PELI2: variants seen among roughly 807,000 people sequenced by gnomAD.
The protein encoded by PELI2 is E3 ubiquitin-protein ligase pellino homolog 2.
In PELI2, 23 loss-of-function variants were observed where a neutral mutation model predicts 42.3. The ratio of observed to expected loss-of-function variants is 0.54; its 90% CI spans 0.39 to 0.77. The LOEUF is 0.77. PELI2 is among the 30% of genes least tolerant of loss of function. The probability of loss-of-function intolerance (pLI) is 0.00; values close to 1 mark genes in which losing one functional copy is unlikely to be tolerated. For synonymous variants in PELI2, 245 were observed against 212.2 expected (o/e 1.15, Z -1.34); for missense variants, 463 against 553.2 (o/e 0.84, Z 1.64).
At position 56,181,164 on chromosome 14, in the gene PELI2, TC is replaced by T. The variant is rs1467078358; in HGVS notation, c.207+2702del. On this transcript the variant is annotated intron_variant, in intron 2 of 5. Transcript: ENST00000267460. ...AGTTCATTCTATTTTTGGATATACT[TC>T]CTTATCTCTTATCAAGATATCCAAC... 2.0e-5 allele frequency among the ~76,000 whole-genome samples: 3 copies of T among 152,038 alleles called. No homozygotes were observed. In the East Asian group the frequency reaches 5.8e-4, roughly 29 times the overall value.
rs539333322 is a variant in PELI2 at position 56,133,688 on chromosome 14, G to C, written c.77+14951G>C. The stretch of plus-strand genomic sequence containing the variant: ...CTGCTACAACCTGCTCAACTGATAG[G>C]ATTTAGCCCAGGTGTCACTTCCAGC... On this transcript the variant is annotated intron_variant, in intron 1 of 5. Transcript: ENST00000267460. Among the ~76,000 whole-genome samples, 5 of 152,288 alleles carry C rather than the reference G, an allele frequency of 3.3e-5. No individual in the cohort carries two copies. In the East Asian group the frequency reaches 5.8e-4, roughly 18 times the overall value.
Position 56,291,305 on chromosome 14 carries a change from A to G in PELI2, c.696+849A>G, listed in dbSNP as rs546074740. Among the ~76,000 whole-genome samples, 7 of 152,340 alleles carry G rather than the reference A, an allele frequency of 4.6e-5. No individual in the cohort carries two copies. The East Asian group carries it at 1.4e-3, about 29-fold the overall frequency. On this transcript the variant is annotated intron_variant, in intron 5 of 5. Coordinates refer to ENST00000267460, the MANE Select transcript of PELI2 (RefSeq NM_021255.3). ...TACAGAATAGAGGATTTGACCTAGC[A>G]CTTGTCAGAGAGAAAGATCATCACC... is the stretch of plus-strand genomic sequence containing the variant.
At chr14:56,246,779 C>A (rs968172792) in intron 2 of PELI2, among the ~76,000 whole-genome samples, 3 of 152,160 alleles carry the variant, frequency 2.0e-5, no homozygotes, top group Non-Finnish European at 4.4e-5. Context: ...GAAGTAGCAG[C>A]GCTGTGTCTC....
rs1011144427 is a variant in PELI2 at position 56,149,274 on chromosome 14, T to C, written c.78-29061T>C. On this transcript the variant is annotated intron_variant, in intron 1 of 5. Transcript: ENST00000267460. ...ACATAAGCTTTAAACCTCATATCCA[T>C]GGTTATTGAAAAGTGAGGGCTTTGC... 2.0e-5 allele frequency among the ~76,000 whole-genome samples: 3 copies of C among 152,228 alleles called. No individual in the cohort carries two copies. In the East Asian group the frequency reaches 5.8e-4, roughly 29 times the overall value.
chr14:56,166,658 T>A (rs1884975127), intron 1 of PELI2, among the ~76,000 whole-genome samples: 1 of 152,318 alleles, frequency 6.6e-6, no homozygotes, highest in East Asian at 1.9e-4. Flanking sequence ...TAGGGTAAAG[T>A]TTTTTTCCTT....
chr14:56,171,700 G>T (rs1368982084), intron 1 of PELI2, among the ~76,000 whole-genome samples: 1 of 152,166 alleles, frequency 6.6e-6, no homozygotes, highest in Non-Finnish European at 1.5e-5. Context: ...TCAGGAGGAG[G>T]TGACAGTGTT....
intron 2 of PELI2, among the ~76,000 whole-genome samples, chr14:56,206,976 A>G (rs1221755202): frequency 1.3e-5 from 2 of 152,244 alleles, no homozygotes; most frequent in Non-Finnish European, 2.9e-5. Context: ...AAGTTATCAA[A>G]TAAAGGTTCT....
chr14:56,181,036 C>G (rs574828017), intron 2 of PELI2, among the ~76,000 whole-genome samples: 16 of 152,306 alleles, frequency 1.1e-4, no homozygotes, highest in African/African-American at 3.6e-4. Context: ...TCCGTAGCAT[C>G]TATAGCTTGT....
intron 1 of PELI2, among the ~76,000 whole-genome samples, chr14:56,158,263 G>A (rs545136330): frequency 8.6e-5 from 13 of 152,046 alleles, no homozygotes; most frequent in African/African-American, 2.4e-4. Context: ...CCTGACCTCC[G>A]GTGATTTGCC....
rs540862398 is a variant in PELI2, at chr14:56,144,099, G to A, written c.77+25362G>A. 7.9e-5 allele frequency among the ~76,000 whole-genome samples: 12 copies of A among 152,180 alleles called. No homozygotes were observed. In the East Asian group the frequency reaches 2.1e-3, roughly 27 times the overall value. ...TCATACTGTACTACCGCTGATTCCAGTCTAACACCCTAAGAATCATTCTAG... is the reference window on the plus strand; with the variant it reads ...TCATACTGTACTACCGCTGATTCCAATCTAACACCCTAAGAATCATTCTAG... On this transcript the variant is annotated intron_variant, in intron 1 of 5. Coordinates refer to ENST00000267460, the MANE Select transcript of PELI2 (RefSeq NM_021255.3).
At chr14:56,214,612 GCTTCTGCTGT>G (rs1886832180) in intron 2 of PELI2, among the ~76,000 whole-genome samples, 1 of 152,178 alleles carries the variant, frequency 6.6e-6, no homozygotes, top group Non-Finnish European at 1.5e-5. Flanking sequence ...CTTGGAGTCA[GCTTCTGCTGT>G]ATGTCAGGGG....
chr14:56,156,782 C>A (rs1030168206), intron 1 of PELI2, among the ~76,000 whole-genome samples: 7 of 152,122 alleles, frequency 4.6e-5, no homozygotes, highest in African/African-American at 1.7e-4. Flanking sequence ...TGGCTAGTGG[C>A]TACTATGTTG....
At chr14:56,152,588 C>T (rs899562228) in intron 1 of PELI2, among the ~76,000 whole-genome samples, 4 of 152,110 alleles carry the variant, frequency 2.6e-5, no homozygotes, top group African/African-American at 9.7e-5. Flanking sequence ...CTAAGTCTGT[C>T]CTGCACAGGT....
At chr14:56,183,632 G>A (rs1397190814) in intron 2 of PELI2, among the ~76,000 whole-genome samples, 1 of 152,084 alleles carries the variant, frequency 6.6e-6, no homozygotes, top group African/African-American at 2.4e-5. Context: ...TTATAAATCA[G>A]GAAGGTAAAA....
At position 56,190,003 on chromosome 14, in the gene PELI2, A is replaced by G. The variant is rs568954287; in HGVS notation, c.207+11539A>G. 2.0e-5 allele frequency among the ~76,000 whole-genome samples: 3 copies of G among 152,360 alleles called. No individual in the cohort carries two copies. The South Asian group carries it at 6.2e-4, about 32-fold the overall frequency. Reference sequence around the variant, plus strand: ...TGCATCTGATCTAAATCAGTTTTGCATTCTCTGGTCTGCTAACATTAGTTT... The same window carrying G: ...TGCATCTGATCTAAATCAGTTTTGCGTTCTCTGGTCTGCTAACATTAGTTT... On this transcript the variant is annotated intron_variant, in intron 2 of 5. Coordinates refer to ENST00000267460, the MANE Select transcript of PELI2 (RefSeq NM_021255.3).
At chr14:56,158,833 A>T (rs1214534703) in intron 1 of PELI2, among the ~76,000 whole-genome samples, 6 of 152,196 alleles carry the variant, frequency 3.9e-5, no homozygotes, top group Non-Finnish European at 8.8e-5. Context: ...GGGACCACAG[A>T]TTTTAAAAGA....
chr14:56,182,064 T>C (rs76389026), intron 2 of PELI2, among the ~76,000 whole-genome samples: 20,129 of 151,996 alleles, frequency 0.13, 1,516 homozygotes, highest in Middle Eastern at 0.17. Context: ...GTCTAGTGAG[T>C]AGGCAAACGA....
intron 2 of PELI2, among the ~76,000 whole-genome samples, chr14:56,223,684 CATTT>C (rs1214994454): frequency 6.6e-6 from 1 of 152,100 alleles, no homozygotes; most frequent in Admixed American, 6.5e-5. Context: ...AATATTTGAT[CATTT>C]ATTATTATTA....
At chr14:56,196,747 G>A (rs767605186) in intron 2 of PELI2, among the ~76,000 whole-genome samples, 13 of 152,254 alleles carry the variant, frequency 8.5e-5, no homozygotes, top group Admixed American at 2.0e-4. Context: ...TATTAACTAC[G>A]TGATATTTAA....
Sources: gnomAD v4.1 joint callset for allele counts (sites outside exome capture counted in the v4.1 genomes callset) on GRCh38, gnomAD v4.1.1 for gene constraint, MANE v1.5 for transcripts, NCBI Gene and HGNC (gene_info 2026-07-23, HGNC 2026-07-21) for gene names.